The following MFSD11 variants were observed in gnomAD, a reference collection of about 807,000 sequenced individuals.
The protein encoded by MFSD11 is UNC93-like protein MFSD11.
Under a neutral mutation model 53.5 loss-of-function variants are expected in MFSD11, and 36 were observed. The observed-to-expected ratio is 0.67, with a 90% CI of 0.52 to 0.89. The LOEUF (loss-of-function observed/expected upper bound fraction) is 0.89. MFSD11 is among the 40% of genes least tolerant of loss of function. The pLI is 0.00. For synonymous variants in MFSD11, 186 were observed against 184.9 expected, an observed-to-expected ratio of 1.01 and a Z score of -0.05; for missense variants, 530 against 543.9, an observed-to-expected ratio of 0.97 and a Z score of 0.25.
At chr17:76,795,418 G>T in the MFSD11 span, among the ~76,000 whole-genome samples, 1 of 151,792 alleles carries the variant, frequency 6.6e-6, no homozygotes, top group Non-Finnish European at 1.5e-5. Flanking sequence ...GAACCTGGGA[G>T]ATGGAGGTTG....
intron 1 of MFSD11, 76 bp from the exon 2 acceptor site, chr17:76,738,862 A>T (rs2077765603): frequency 1.9e-6 from 2 of 1,079,904 alleles, no homozygotes; most frequent in Admixed American, 3.4e-5. Flanking sequence ...CTTGCTGAGT[A>T]CTTGGAGTCA....
chr17:76,738,015 G>A, upstream of MFSD11: 2 of 344,578 alleles, frequency 5.8e-6, no homozygotes, highest in Non-Finnish European at 1.0e-5. Context: ...CAGGCTGGGA[G>A]GGCGGGGCCG....
chr17:76,738,198 C>G lies in MFSD11; in HGVS notation c.-155C>G, dbSNP rs1248417521. ...GAACTTCGCCCTAAACCTGGGGTTC[C>G]GATCCAGGAACTGGAAGTTGACAGC... On this transcript the variant is annotated 5_prime_UTR_variant, in exon 1 of 13. Transcript: ENST00000685175. 6.5e-6 allele frequency: 4 copies of G among 618,158 alleles called. No individual in the cohort carries two copies. Among genetic ancestry groups the G allele is most frequent in the Admixed American group, 5.9e-5 (2 of 33,942 alleles). 38.3% of individuals were successfully genotyped at this position (618,158 alleles called of 1,614,324 possible).
chr17:76,761,209 G>C (rs1170158582), intron 8 of MFSD11, among the ~76,000 whole-genome samples: 1 of 152,090 alleles, frequency 6.6e-6, no homozygotes, highest in Non-Finnish European at 1.5e-5. Flanking sequence ...CCATCTTGGG[G>C]AAGACTACAT....
intron 2 of MFSD11, among the ~76,000 whole-genome samples, chr17:76,739,591 C>A (rs1245087318): frequency 6.6e-6 from 1 of 152,072 alleles, no homozygotes; most frequent in Non-Finnish European, 1.5e-5. Flanking sequence ...TGTTAATTGA[C>A]AAATGAAAAT....
At chr17:76,794,700 T>TTTTTG in the MFSD11 span, among the ~76,000 whole-genome samples, 2 of 2,676 alleles carry the variant, frequency 7.5e-4, no homozygotes, top group Admixed American at 5.6e-3. Context: ...TTTTTTTTTT[T>TTTTTG]TTTTTGTTTT....
chr17:76,764,351 GCACT>G (rs1460588866), intron 8 of MFSD11, among the ~76,000 whole-genome samples: 1 of 152,166 alleles, frequency 6.6e-6, no homozygotes, highest in African/African-American at 2.4e-5. Context: ...TAGATCCTCA[GCACT>G]CACTCATCCT....
intron 10 of MFSD11, among the ~76,000 whole-genome samples, chr17:76,774,577 C>T (rs1197318805): frequency 1.3e-5 from 2 of 152,232 alleles, no homozygotes; most frequent in East Asian, 3.8e-4. Context: ...CTCTGACTCC[C>T]CTTCGGAGCT....
chr17:76,774,995 A>G lies in MFSD11; in HGVS notation c.875-2A>G. 1 of 1,612,460 alleles carries G rather than the reference A, an allele frequency of 6.2e-7. No individual in the cohort carries two copies. Among genetic ancestry groups the G allele is most frequent in the East Asian group, 2.2e-5 (1 of 44,816 alleles). ...TGACGTTTCTGCCATCTTGACTTAT[A>G]GGTGGAAGCCTCTTCGGCCTGCTGA... On this transcript the variant is annotated splice_acceptor_variant, in intron 10 of 12. Coordinates refer to ENST00000685175, the MANE Select transcript of MFSD11 (RefSeq NM_001242532.5). LOFTEE classifies it high-confidence loss of function.
chr17:76,783,707 T>G (rs1299225629), downstream of MFSD11, among the ~76,000 whole-genome samples: 1 of 152,088 alleles, frequency 6.6e-6, no homozygotes, highest in East Asian at 1.9e-4. Context: ...TACAGATGCC[T>G]GCCACCACGC....
At chr17:76,781,059 CT>C (rs2082152777), downstream of MFSD11, 1 of 152,174 alleles carries the variant, frequency 6.6e-6, no homozygotes, top group Admixed American at 6.6e-5. Flanking sequence ...GGTCGGGAAT[CT>C]GCGCATGGCT....
chr17:76,754,203 A>G (rs989391359), intron 8 of MFSD11, 116 bp downstream of exon 8: 73 of 737,016 alleles, frequency 9.9e-5, no homozygotes, highest in Non-Finnish European at 1.1e-4. Context: ...GCATTTTTCC[A>G]GGTATGCTGC....
chr17:76,777,671 A>G (rs1027921642), intron 12 of MFSD11, among the ~76,000 whole-genome samples: 3 of 152,032 alleles, frequency 2.0e-5, no homozygotes, highest in African/African-American at 7.2e-5. Flanking sequence ...TTAGGAAGCA[A>G]TGAGCAGTAA....
chr17:76,741,732 G>A (rs2078101275), intron 3 of MFSD11, among the ~76,000 whole-genome samples: 1 of 152,164 alleles, frequency 6.6e-6, no homozygotes, highest in Admixed American at 6.5e-5. Context: ...AGGTTGCAGT[G>A]AGCTGTGATG....
At chr17:76,737,181 A>G (rs2143951837), upstream of MFSD11, 1 of 1,528,716 alleles carries the variant, frequency 6.5e-7, no homozygotes, top group Non-Finnish European at 8.8e-7. Context: ...GGCGGCCCGG[A>G]GCCCCGCGAA....
intron 8 of MFSD11, among the ~76,000 whole-genome samples, chr17:76,757,865 G>T (rs2079807221): frequency 6.6e-6 from 1 of 152,082 alleles, no homozygotes; most frequent in Non-Finnish European, 1.5e-5. Flanking sequence ...AAAAAAATTA[G>T]CCAGGCATGG....
chr17:76,743,517 A>T (rs2078280352), intron 6 of MFSD11, 61 bp downstream of exon 6: 2 of 1,037,774 alleles, frequency 1.9e-6, no homozygotes, highest in African/African-American at 3.3e-5. Flanking sequence ...AGTTATATAG[A>T]AATACCCATT....
Position 76,739,138 on chromosome 17 carries a change from G to T in MFSD11, c.152+145G>T. Reference sequence around the variant, plus strand: ...GTGCCTAGACTGAGAGAACATAATAGAATAAAGCTGATGAGTTTAGGTTTC... The same window carrying T: ...GTGCCTAGACTGAGAGAACATAATATAATAAAGCTGATGAGTTTAGGTTTC... On this transcript the variant is annotated intron_variant, in intron 2 of 12. Transcript: ENST00000685175. 6.2e-6 allele frequency: 4 copies of T among 647,820 alleles called. No homozygotes were observed. In the South Asian group the frequency reaches 7.8e-5, roughly 13 times the overall value. The allele number at this position is 647,820 out of a possible 1,614,324, so 40.1% of individuals were successfully genotyped here. A position where few individuals can be genotyped will look rare whatever the true frequency, so the allele number is the denominator to read the frequency against.
At chr17:76,791,507 GAC>G in the MFSD11 span, among the ~76,000 whole-genome samples, 1 of 148,732 alleles carries the variant, frequency 6.7e-6, no homozygotes, top group African/African-American at 2.5e-5. Context: ...TCATATTGTA[GAC>G]ACTGTGAGAA....
Sources: allele counts gnomAD v4.1 joint callset (sites outside exome capture counted in the v4.1 genomes callset), GRCh38; gene constraint gnomAD v4.1.1; transcripts MANE v1.5; gene names NCBI Gene and HGNC (gene_info 2026-07-23, HGNC 2026-07-21).